Variants in SPACA9 observed in about 807,000 individuals in gnomAD.
SPACA9 encodes the protein sperm acrosome-associated protein 9.
Under a neutral mutation model 12.5 loss-of-function variants are expected in SPACA9, and 14 were observed. The observed-to-expected ratio is 1.12, with a 90% CI of 0.74 to 1.75. SPACA9 has a LOEUF of 1.75. Ranked by LOEUF, SPACA9 falls within the 40% of genes most tolerant of loss-of-function variation. The pLI, the probability that SPACA9 is intolerant of heterozygous loss-of-function variation, is 0.00. For synonymous variants in SPACA9, 111 were observed against 114.1 expected (o/e 0.97, Z 0.17); for missense variants, 292 against 291.9 (o/e 1.00, Z 0.00).
At position 132,888,749 on chromosome 9, in the gene SPACA9, T is replaced by C; in HGVS notation, c.*138T>C. ...AATCAGCCAATATATTACTGAGACT[T>C]CCTCTCTCTCTTCTTGCTTTAACTT... is the stretch of plus-strand genomic sequence containing the variant. On this transcript the variant is annotated 3_prime_UTR_variant, in exon 4 of 4. Coordinates refer to ENST00000356311, the MANE Select transcript of SPACA9 (RefSeq NM_001316897.2). This position sits in a 1 kb window ranked among gnomAD's most constrained non-coding sequence, Gnocchi z 5.0. 2 of 1,420,032 alleles carry C rather than the reference T, an allele frequency of 1.4e-6. No individual in the cohort carries two copies. The highest frequency in any genetic ancestry group is 3.2e-5 in the South Asian group (2 of 62,684). 88.0% of individuals were successfully genotyped at this position (1,420,032 alleles called of 1,614,324 possible). A position where few individuals can be genotyped will look rare whatever the true frequency, so the allele number is the denominator to read the frequency against.
chr9:132,886,461 T>A (rs962106996), intron 2 of SPACA9, among the ~76,000 whole-genome samples: 1 of 152,130 alleles, frequency 6.6e-6, no homozygotes, highest in Non-Finnish European at 1.5e-5. Flanking sequence ...CCTCTAGAAG[T>A]GGGATGACAG....
chr9:132,882,263 CT>C (rs981590166), intron 1 of SPACA9, among the ~76,000 whole-genome samples: 24 of 152,202 alleles, frequency 1.6e-4, no homozygotes, highest in African/African-American at 5.5e-4. Flanking sequence ...GCCTTGCTGG[CT>C]TTTGGCTCCA....
At position 132,888,104 on chromosome 9, in the gene SPACA9, C is replaced by T. The variant is rs1329926424; in HGVS notation, c.348-186C>T. ...CTCCTGTCTTTCACACCAGAATTAC[C>T]TGGGGCTTGTGGCACCCCAGGCCTG... On this transcript the variant is annotated intron_variant, in intron 3 of 3. Transcript: ENST00000356311. The surrounding 1 kb of genome is among the most constrained non-coding windows in gnomAD (Gnocchi z 5.0). 2.0e-5 allele frequency among the ~76,000 whole-genome samples: 3 copies of T among 152,186 alleles called. No homozygotes were observed. In the East Asian group the frequency reaches 5.8e-4, roughly 29 times the overall value.
chr9:132,878,737 C>A, upstream of SPACA9: 1 of 986,646 alleles, frequency 1.0e-6, no homozygotes, highest in Non-Finnish European at 1.2e-6. The surrounding 1 kb of genome is among the most constrained non-coding windows in gnomAD (Gnocchi z 4.7). Flanking sequence ...GTTCGAGGAT[C>A]GGGTGGAAAT....
Position 132,887,182 on chromosome 9 carries a change from T to C in SPACA9, c.145-187T>C, listed in dbSNP as rs578037354. 2.8e-4 allele frequency among the ~76,000 whole-genome samples: 37 copies of C among 133,542 alleles called. No individual in the cohort carries two copies. The highest frequency in any genetic ancestry group is 6.9e-4 in the Admixed American group (9 of 13,088). 87.6% of individuals were successfully genotyped at this position (133,542 alleles called of 152,430 possible). A position where few individuals can be genotyped will look rare whatever the true frequency, so the allele number is the denominator to read the frequency against. ...CCATCCATCCATCCATCCATCCATC[T>C]ATAGAGAGAGAGATACCACTATATA... On this transcript the variant is annotated intron_variant, in intron 2 of 3. Coordinates refer to ENST00000356311, the MANE Select transcript of SPACA9 (RefSeq NM_001316897.2). This position sits in a 1 kb window ranked among gnomAD's most constrained non-coding sequence, Gnocchi z 5.4.
upstream of SPACA9, chr9:132,878,838 A>T: frequency 8.7e-6 from 8 of 923,962 alleles, no homozygotes; most frequent in Non-Finnish European, 1.0e-5. This position sits in a 1 kb window ranked among gnomAD's most constrained non-coding sequence, Gnocchi z 4.7. Flanking sequence ...TTGCTATGGC[A>T]CCGGCGGTAA....
At chr9:132,884,241 C>T in intron 2 of SPACA9, 150 bp downstream of exon 2, 1 of 737,056 alleles carries the variant, frequency 1.4e-6, no homozygotes. Flanking sequence ...ATGAGTCCTT[C>T]ATTCGTTTCT....
In SPACA9 at chr9:132,884,038, C is replaced by T; in HGVS notation, c.91C>T (p.His31Tyr). The change falls in exon 2 of 4, where the codon CAC becomes TAC. Residue 31 changes from histidine to tyrosine, a missense_variant. Transcript: ENST00000356311. The part of the protein sequence containing the change: ...QQLTFTAALE[H>Y]CRENAHDKIR... ...GCTCACCTTCACCGCCGCTCTGGAG[C>T]ACTGCAGGGAGAACGCCCACGACAA... 2 of 1,614,192 alleles carry T rather than the reference C, an allele frequency of 1.2e-6. No homozygotes were observed. Among genetic ancestry groups the T allele is most frequent in the Non-Finnish European group, 1.7e-6 (2 of 1,180,024 alleles).
At chr9:132,884,517 C>T (rs901326432) in intron 2 of SPACA9, among the ~76,000 whole-genome samples, 2 of 152,238 alleles carry the variant, frequency 1.3e-5, no homozygotes, top group Admixed American at 6.5e-5. Flanking sequence ...ATGCCAAGCA[C>T]ACCGCCAGGT....
At position 132,888,237 on chromosome 9, in the gene SPACA9, G is replaced by A. The variant is rs564930203; in HGVS notation, c.348-53G>A. On this transcript the variant is annotated intron_variant, in intron 3 of 3. Transcript: ENST00000356311. The surrounding 1 kb of genome is among the most constrained non-coding windows in gnomAD (Gnocchi z 5.0). ...CTGAGGTGTGGCAGCTGCTTGCCACGGCATGGCAAGTCCCGGGAGCATGGG... is the reference window on the plus strand; with the variant it reads ...CTGAGGTGTGGCAGCTGCTTGCCACAGCATGGCAAGTCCCGGGAGCATGGG... 1.0e-5 allele frequency: 16 copies of A among 1,553,600 alleles called. No homozygotes were observed. The African/African-American group carries it at 1.4e-4, about 13-fold the overall frequency.
rs779726103 is a variant in SPACA9, at chr9:132,887,410, C to T, written c.186C>T (p.Asp62=). ...YMEHYCNSST[D]RRVLLMFLDI... ...AACACTACTGCAACAGCTCCACAGA[C>T]CGGCGGGTTCTGCTCATGTTCCTGG... The change falls in exon 3 of 4, where the codon GAC becomes GAT. Residue 62 remains aspartate, a synonymous_variant. Transcript: ENST00000356311. This position sits in a 1 kb window ranked among gnomAD's most constrained non-coding sequence, Gnocchi z 5.4. 3.1e-5 allele frequency: 50 copies of T among 1,610,912 alleles called. No homozygotes were observed. The highest frequency in any genetic ancestry group is 3.9e-5 in the Non-Finnish European group (46 of 1,179,942).
chr9:132,886,224 G>A (rs1844561893), intron 2 of SPACA9, among the ~76,000 whole-genome samples: 2 of 152,346 alleles, frequency 1.3e-5, no homozygotes, highest in Non-Finnish European at 2.9e-5. Context: ...AAATGGGTCT[G>A]TTCATCTGGC....
chr9:132,881,770 T>C (rs1363876194), intron 1 of SPACA9, among the ~76,000 whole-genome samples: 2 of 151,386 alleles, frequency 1.3e-5, no homozygotes, highest in Non-Finnish European at 2.9e-5. Flanking sequence ...CAAGCGATCC[T>C]CCTGCCTCAG....
Position 132,887,693 on chromosome 9 carries a change from C to G in SPACA9, c.347+122C>G, listed in dbSNP as rs1254453940. Reference sequence around the variant, plus strand: ...TTAGACCACCCCGGGCAGGAAATCCCAGTCTCCACTCATTTATTGGAATGA... The same window carrying G: ...TTAGACCACCCCGGGCAGGAAATCCGAGTCTCCACTCATTTATTGGAATGA... On this transcript the variant is annotated intron_variant, in intron 3 of 3. Coordinates refer to ENST00000356311, the MANE Select transcript of SPACA9 (RefSeq NM_001316897.2). The surrounding 1 kb of genome is among the most constrained non-coding windows in gnomAD (Gnocchi z 5.4). The G allele has an allele frequency of 1.3e-6, 1 of 749,668 alleles. No individual in the cohort carries two copies. The highest frequency in any genetic ancestry group is 2.2e-6 in the Non-Finnish European group (1 of 447,448). The allele number at this position is 749,668 out of a possible 1,614,324, so 46.4% of individuals were successfully genotyped here.
intron 1 of SPACA9, among the ~76,000 whole-genome samples, chr9:132,879,413 T>C (rs746799677): frequency 6.6e-6 from 1 of 152,190 alleles, no homozygotes; most frequent in African/African-American, 2.4e-5. Context: ...TGGCTCCGCT[T>C]CTTACTGTGT....
chr9:132,879,463 C>A (rs1052198205), intron 1 of SPACA9, among the ~76,000 whole-genome samples: 1 of 152,140 alleles, frequency 6.6e-6, no homozygotes, highest in Non-Finnish European at 1.5e-5. Flanking sequence ...GCCTCACTTT[C>A]CTGCCCTGTG....
At chr9:132,882,848 A>G (rs1778258321) in intron 1 of SPACA9, among the ~76,000 whole-genome samples, 1 of 152,046 alleles carries the variant, frequency 6.6e-6, no homozygotes, top group Non-Finnish European at 1.5e-5. Context: ...AGCACTGACG[A>G]TGCTGGTTAG....
upstream of SPACA9, chr9:132,878,459 G>C: frequency 8.2e-7 from 1 of 1,222,852 alleles, no homozygotes; most frequent in Non-Finnish European, 1.0e-6. The surrounding 1 kb of genome is among the most constrained non-coding windows in gnomAD (Gnocchi z 4.7). Context: ...CCCAACCCCG[G>C]CCTCGCTTTT....
At chr9:132,879,217 G>C (rs1317026673) in intron 1 of SPACA9, among the ~76,000 whole-genome samples, 5 of 152,240 alleles carry the variant, frequency 3.3e-5, no homozygotes, top group African/African-American at 4.8e-5. Flanking sequence ...AGTGGTACGG[G>C]GCAGCTTGAT....
Sources: allele counts gnomAD v4.1 joint callset (sites outside exome capture counted in the v4.1 genomes callset), GRCh38; gene constraint gnomAD v4.1.1; non-coding constraint Gnocchi (gnomAD v3.1); transcripts MANE v1.5; gene names NCBI Gene and HGNC (gene_info 2026-07-23, HGNC 2026-07-21).